Variants in SQOR observed in about 807,000 individuals in gnomAD.
SQOR encodes the protein sulfide:quinone oxidoreductase, mitochondrial.
A neutral mutation model predicts 48.6 loss-of-function variants in SQOR; 39 were observed. The ratio of observed to expected loss-of-function variants is 0.80; its 90% CI spans 0.62 to 1.05. The LOEUF (loss-of-function observed/expected upper bound fraction) is 1.05, where lower values mean the gene tolerates loss of function less well. SQOR is among the 50% of genes least tolerant of loss of function. The pLI, the probability that SQOR is intolerant of heterozygous loss-of-function variation, is 0.00. For missense variants in SQOR, 561 were observed against 559.9 expected, an observed-to-expected ratio of 1.00 and a Z score of -0.02; for synonymous variants, 220 against 206.2, an observed-to-expected ratio of 1.07 and a Z score of -0.57.
At chr15:45,644,825 A>T (rs1895176157) in intron 1 of SQOR, among the ~76,000 whole-genome samples, 1 of 152,148 alleles carries the variant, frequency 6.6e-6, no homozygotes, top group Non-Finnish European at 1.5e-5. Flanking sequence ...CTGGCCCTGG[A>T]ATAATAAGGG....
At chr15:45,672,238 T>G (rs957570329) in intron 4 of SQOR, among the ~76,000 whole-genome samples, 5 of 152,108 alleles carry the variant, frequency 3.3e-5, no homozygotes, top group Admixed American at 3.3e-4. Flanking sequence ...GTCTGGTTCT[T>G]TAAGATTCTG....
In SQOR at chr15:45,670,094, C is replaced by A. The variant is rs577445018; in HGVS notation, c.459+113C>A. On this transcript the variant is annotated intron_variant, in intron 4 of 9. Coordinates refer to ENST00000260324, the MANE Select transcript of SQOR (RefSeq NM_021199.4). ...GACAAGAAAGGGGTTCTAAGAAAAT[C>A]TCTTCTGGTTTTATTTCTTGGCAGT... 147 of 992,830 alleles carry A rather than the reference C, an allele frequency of 1.5e-4. 2 individuals carry two copies. In the African/African-American group the frequency reaches 1.8e-3, roughly 12 times the overall value. 61.5% of individuals were successfully genotyped at this position (992,830 alleles called of 1,614,324 possible).
chr15:45,644,624 C>T (rs1312820994), intron 1 of SQOR, among the ~76,000 whole-genome samples: 1 of 152,156 alleles, frequency 6.6e-6, no homozygotes, highest in African/African-American at 2.4e-5. Flanking sequence ...GGAGGCATAA[C>T]ACCTCACATG....
chr15:45,676,740 G>A (rs1595507320), intron 6 of SQOR, among the ~76,000 whole-genome samples: 2 of 152,126 alleles, frequency 1.3e-5, no homozygotes. Context: ...CCTGTGGGTA[G>A]TTGAAGAAAA....
At chr15:45,642,548 T>A (rs780654039) in intron 1 of SQOR, among the ~76,000 whole-genome samples, 17 of 152,172 alleles carry the variant, frequency 1.1e-4, no homozygotes, top group Admixed American at 5.9e-4. Context: ...TGTCTGGGAA[T>A]AAGCTCTCAG....
At chr15:45,683,742 T>G (rs1890166130) in intron 7 of SQOR, among the ~76,000 whole-genome samples, 2 of 152,174 alleles carry the variant, frequency 1.3e-5, no homozygotes, top group Non-Finnish European at 2.9e-5. Flanking sequence ...TATACAAATT[T>G]GAAATAAATT....
At chr15:45,652,864 G>C (rs577453291) in intron 1 of SQOR, among the ~76,000 whole-genome samples, 1 of 151,312 alleles carries the variant, frequency 6.6e-6, no homozygotes, top group Admixed American at 6.6e-5. Context: ...CCAGCTACTC[G>C]TGGGGGCCGG....
chr15:45,655,777 G>A (rs1440545093), intron 1 of SQOR, among the ~76,000 whole-genome samples: 1 of 151,072 alleles, frequency 6.6e-6, no homozygotes, highest in East Asian at 2.0e-4. Context: ...TTCGCCTCAC[G>A]GGTTCAAGTG....
intron 7 of SQOR, among the ~76,000 whole-genome samples, chr15:45,686,444 G>A (rs1188369564): frequency 6.6e-6 from 1 of 152,102 alleles, no homozygotes; most frequent in Admixed American, 6.5e-5. Context: ...GAGCCACCGC[G>A]CCCGGCCTCA....
chr15:45,673,095 A>G (rs1889972240), intron 4 of SQOR, among the ~76,000 whole-genome samples: 1 of 152,168 alleles, frequency 6.6e-6, no homozygotes, highest in Non-Finnish European at 1.5e-5. Context: ...CAGGGTCACA[A>G]TGCTAGTAAG....
At chr15:45,656,470 TA>T (rs1374944468) in intron 1 of SQOR, among the ~76,000 whole-genome samples, 1 of 143,560 alleles carries the variant, frequency 7.0e-6, no homozygotes, top group African/African-American at 2.5e-5. Flanking sequence ...TTTTTTTTTT[TA>T]AATAGAGTTG....
chr15:45,682,689 T>C, intron 7 of SQOR, 28 bp downstream of exon 7: 2 of 1,608,466 alleles, frequency 1.2e-6, no homozygotes, highest in South Asian at 2.2e-5. Context: ...ATTTCTCCCT[T>C]TCTCAAAAAT....
At chr15:45,667,339 T>C (rs1311321338) in intron 3 of SQOR, among the ~76,000 whole-genome samples, 1 of 151,934 alleles carries the variant, frequency 6.6e-6, no homozygotes, top group Non-Finnish European at 1.5e-5. Context: ...GAAATGTCTA[T>C]TTAGTAGTTG....
chr15:45,684,962 G>A (rs1026051147), intron 7 of SQOR, among the ~76,000 whole-genome samples: 4 of 152,122 alleles, frequency 2.6e-5, no homozygotes, highest in African/African-American at 7.2e-5. Flanking sequence ...CTATTCTATG[G>A]TTGCTCTAGA....
chr15:45,657,554 C>T (rs948224417), intron 1 of SQOR, among the ~76,000 whole-genome samples: 1 of 152,132 alleles, frequency 6.6e-6, no homozygotes, highest in African/African-American at 2.4e-5. Flanking sequence ...GGTTGCTTCT[C>T]AGATCTGAAA....
upstream of SQOR, among the ~76,000 whole-genome samples, chr15:45,633,520 C>T (rs1467158921): frequency 6.6e-6 from 1 of 151,502 alleles, no homozygotes; most frequent in Non-Finnish European, 1.5e-5. Flanking sequence ...ATGGTGAAAC[C>T]CTGTCTCTAC....
intron 7 of SQOR, among the ~76,000 whole-genome samples, chr15:45,686,956 C>G (rs559867852): frequency 6.6e-6 from 1 of 151,296 alleles, no homozygotes; most frequent in South Asian, 2.1e-4. Context: ...ATTACAGGAG[C>G]GACACCACGC....
intron 1 of SQOR, 55 bp from the exon 2 acceptor site, chr15:45,658,852 C>T: frequency 7.5e-7 from 1 of 1,334,762 alleles, no homozygotes; most frequent in Non-Finnish European, 9.9e-7. Context: ...GAAAACGCTT[C>T]AGTCCCACGA....
intron 1 of SQOR, among the ~76,000 whole-genome samples, chr15:45,652,846 C>A (rs1708872): frequency 0.25 from 37,325 of 150,852 alleles, 4,856 homozygotes; most frequent in East Asian, 0.5. Context: ...TGGCAGGCAC[C>A]TGTAATCCCA....
Sources: gnomAD v4.1 joint callset for allele counts (sites outside exome capture counted in the v4.1 genomes callset) on GRCh38, gnomAD v4.1.1 for gene constraint, MANE v1.5 for transcripts, NCBI Gene and HGNC (gene_info 2026-07-23, HGNC 2026-07-21) for gene names.